RIC8B: variants seen among roughly 807,000 people sequenced by gnomAD.
RIC8B encodes the protein chaperone Ric-8B.
In RIC8B, 16 loss-of-function variants were observed where a neutral mutation model predicts 57.5. The ratio of observed to expected loss-of-function variants is 0.28; its 90% CI spans 0.19 to 0.42. RIC8B has a LOEUF of 0.42. Among genes scored for constraint, RIC8B ranks in the 10% least tolerant of loss-of-function variants. The pLI, the probability that RIC8B is intolerant of heterozygous loss-of-function variation, is 1.00. For missense variants in RIC8B, 481 were observed against 677.0 expected, an observed-to-expected ratio of 0.71 and a Z score of 3.21; for synonymous variants, 216 against 250.8, an observed-to-expected ratio of 0.86 and a Z score of 1.31.
At chr12:106,786,141 A>AT (rs893618675) in intron 2 of RIC8B, among the ~76,000 whole-genome samples, 4,486 of 73,944 alleles carry the variant, frequency 0.061, 860 homozygotes, top group African/African-American at 0.072. Context: ...CCCAAGGTGT[A>AT]TTTTTTTTTT....
chr12:106,826,428 G>A (rs1029069270), intron 4 of RIC8B, among the ~76,000 whole-genome samples: 1 of 152,184 alleles, frequency 6.6e-6, no homozygotes, highest in African/African-American at 2.4e-5. Context: ...AAAAAAACTT[G>A]TAAGAATTAG....
At chr12:106,795,310 C>T (rs1234675975) in intron 2 of RIC8B, among the ~76,000 whole-genome samples, 1 of 152,094 alleles carries the variant, frequency 6.6e-6, no homozygotes, top group Non-Finnish European at 1.5e-5. Flanking sequence ...CGTCTTCTCA[C>T]GCCAAGACAA....
At position 106,888,343 on chromosome 12, in the gene RIC8B, A is replaced by G. The variant is rs571216170; in HGVS notation, c.*2328A>G. 2 of 152,370 alleles carry G rather than the reference A, an allele frequency of 1.3e-5. No homozygotes were observed. Among genetic ancestry groups the G allele is most frequent in the South Asian group, 2.1e-4 (1 of 4,826 alleles). The allele number at this position is 152,370 out of a possible 1,614,324, so 9.4% of individuals were successfully genotyped here. ...CATCTGGCACACAGAAAGAGAACTA[A>G]TATCTGTTAAGTGCTTACTACATGC... On this transcript the variant is annotated 3_prime_UTR_variant, in exon 10 of 10. Coordinates refer to ENST00000392837, the MANE Select transcript of RIC8B (RefSeq NM_001330145.2).
chr12:106,872,308 T>C (rs1189054984), intron 9 of RIC8B, among the ~76,000 whole-genome samples: 1 of 152,194 alleles, frequency 6.6e-6, no homozygotes, highest in African/African-American at 2.4e-5. Context: ...GATGTGTGCT[T>C]GGCCACTTCC....
In RIC8B at chr12:106,889,088, A is replaced by T. The variant is rs1951303846; in HGVS notation, c.*3073A>T. 6.6e-6 allele frequency: 1 copy of T among 152,138 alleles called. No homozygotes were observed. Among genetic ancestry groups the T allele is most frequent in the Non-Finnish European group, 1.5e-5 (1 of 68,022 alleles). 9.4% of individuals were successfully genotyped at this position (152,138 alleles called of 1,614,324 possible). A position where few individuals can be genotyped will look rare whatever the true frequency, so the allele number is the denominator to read the frequency against. ...TAAAAGTAATATATGTTCATTGTGG[A>T]AAGTTTGGAAAATGCAGAAAATAAA... On this transcript the variant is annotated 3_prime_UTR_variant, in exon 10 of 10. Coordinates refer to ENST00000392837, the MANE Select transcript of RIC8B (RefSeq NM_001330145.2).
Position 106,851,653 on chromosome 12 carries a change from A to G in RIC8B, c.1306+59A>G, listed in dbSNP as rs534895430. On this transcript the variant is annotated intron_variant, in intron 7 of 9. Coordinates refer to ENST00000392837, the MANE Select transcript of RIC8B (RefSeq NM_001330145.2). The stretch of plus-strand genomic sequence containing the variant: ...CTTTCAGAGGGACTTTGAGAAATTT[A>G]ATTGATAGTGTTAGTACTGGTCGTC... 17 of 1,453,222 alleles carry G rather than the reference A, an allele frequency of 1.2e-5. No homozygotes were observed. The East Asian group carries it at 3.9e-4, about 33-fold the overall frequency. 90.0% of individuals were successfully genotyped at this position (1,453,222 alleles called of 1,614,324 possible).
chr12:106,829,728 T>C (rs1393433846), intron 4 of RIC8B, among the ~76,000 whole-genome samples: 5 of 152,200 alleles, frequency 3.3e-5, no homozygotes, highest in Non-Finnish European at 7.4e-5. Flanking sequence ...TCCTTCTCCG[T>C]AACTCTTTTC....
Position 106,814,823 on chromosome 12 carries a change from A to C in RIC8B, c.260A>C (p.Glu87Ala). Residue 87 changes from glutamate to alanine, a missense_variant, in exon 3 of 10, where the codon GAA becomes GCA. Transcript: ENST00000392837. ...GTTTTAGTTCCTGTGACAACTAAGGAAAATATGCAGATACTGCTGCGACTA... is the reference window on the plus strand; with the variant it reads ...GTTTTAGTTCCTGTGACAACTAAGGCAAATATGCAGATACTGCTGCGACTA... ...KKVLVPVTTK[E>A]NMQILLRLAK... The C allele has an allele frequency of 6.2e-7, 1 of 1,614,228 alleles. No homozygotes were observed. The highest frequency in any genetic ancestry group is 8.5e-7 in the Non-Finnish European group (1 of 1,180,028).
chr12:106,785,811 CTCTGTGTGTG>C (rs1464957227), intron 2 of RIC8B, among the ~76,000 whole-genome samples: 5 of 122,260 alleles, frequency 4.1e-5, no homozygotes, highest in African/African-American at 9.7e-5. Context: ...CTCTCTCTCT[CTCTGTGTGTG>C]TGTGTGTGTG....
intron 2 of RIC8B, among the ~76,000 whole-genome samples, chr12:106,806,819 T>C (rs1023802114): frequency 3.9e-5 from 6 of 152,104 alleles, no homozygotes; most frequent in African/African-American, 1.2e-4. Context: ...AGAGTGAGCC[T>C]CCATCTCAAA....
rs531642840 is a variant in RIC8B, at chr12:106,839,345, G to A, written c.837-3244G>A. On this transcript the variant is annotated intron_variant, in intron 4 of 9. Transcript: ENST00000392837. Reference sequence around the variant, plus strand: ...ACACACACAGAGCAGAATCAGTAGAGTATTATTCAGCCTTTAAAAAAAGAA... The same window carrying A: ...ACACACACAGAGCAGAATCAGTAGAATATTATTCAGCCTTTAAAAAAAGAA... 1.0e-3 allele frequency among the ~76,000 whole-genome samples: 156 copies of A among 152,246 alleles called. 1 individual carries two copies. The highest frequency in any genetic ancestry group is 8.3e-4 in the South Asian group (4 of 4,824).
intron 3 of RIC8B, among the ~76,000 whole-genome samples, chr12:106,821,907 T>A (rs2045859302): frequency 6.7e-6 from 1 of 150,016 alleles, no homozygotes; most frequent in African/African-American, 2.4e-5. Flanking sequence ...TGAAACCCCA[T>A]CTCTACTAAA....
At chr12:106,784,880 AC>A (rs1207599228) in intron 2 of RIC8B, among the ~76,000 whole-genome samples, 1 of 152,180 alleles carries the variant, frequency 6.6e-6, no homozygotes, top group Non-Finnish European at 1.5e-5. Flanking sequence ...TGCTCATTTT[AC>A]GTTTTCAGAT....
At chr12:106,784,628 G>A (rs923305044) in intron 2 of RIC8B, among the ~76,000 whole-genome samples, 25 of 152,184 alleles carry the variant, frequency 1.6e-4, no homozygotes, top group Non-Finnish European at 2.4e-4. Flanking sequence ...CTCCCAAAGT[G>A]CTGGGATTAC....
At chr12:106,775,030 G>T in intron 1 of RIC8B, 1 of 564,888 alleles carries the variant, frequency 1.8e-6, no homozygotes, top group Admixed American at 3.1e-5. Context: ...CCACTGTAGC[G>T]CCCACTCCTC....
intron 9 of RIC8B, among the ~76,000 whole-genome samples, chr12:106,885,424 T>A (rs1951135476): frequency 6.6e-6 from 1 of 152,094 alleles, no homozygotes; most frequent in Admixed American, 6.6e-5. Flanking sequence ...TACTTACATA[T>A]CACTAGAGAC....
chr12:106,883,788 T>C (rs1951063196), intron 9 of RIC8B, among the ~76,000 whole-genome samples: 1 of 152,092 alleles, frequency 6.6e-6, no homozygotes, highest in Non-Finnish European at 1.5e-5. Flanking sequence ...GGTACTTTCT[T>C]ATAAAACAAA....
chr12:106,842,753 A>T lies in RIC8B; in HGVS notation c.1001A>T (p.Tyr334Phe), dbSNP rs201636003. 1 of 1,613,876 alleles carries T rather than the reference A, an allele frequency of 6.2e-7. No homozygotes were observed. The highest frequency in any genetic ancestry group is 8.5e-7 in the Non-Finnish European group (1 of 1,179,774). Residue 334 changes from tyrosine (Y) to phenylalanine (F), a missense_variant, in exon 5 of 10, where the codon TAC becomes TTC. Transcript: ENST00000392837. Reference sequence around the variant, plus strand: ...GTTTTGAAAAACAATACCATGGTATACAATGGTATGAATATGGAGGCCATT... The same window carrying T: ...GTTTTGAAAAACAATACCATGGTATTCAATGGTATGAATATGGAGGCCATT... ...ETVLKNNTMV[Y>F]NGMNMEAIHV...
At chr12:106,792,881 G>A (rs2044318560) in intron 2 of RIC8B, among the ~76,000 whole-genome samples, 1 of 152,214 alleles carries the variant, frequency 6.6e-6, no homozygotes, top group African/African-American at 2.4e-5. Context: ...TCTTGGCTAA[G>A]TGAGATAGAA....
Sources: gnomAD v4.1 joint callset for allele counts (sites outside exome capture counted in the v4.1 genomes callset) on GRCh38, gnomAD v4.1.1 for gene constraint, MANE v1.5 for transcripts, NCBI Gene and HGNC (gene_info 2026-07-23, HGNC 2026-07-21) for gene names.